NUBPL: variants seen among roughly 807,000 people sequenced by gnomAD.
The protein encoded by NUBPL is NUBP iron-sulfur cluster assembly factor, mitochondrial.
A neutral mutation model predicts 45.7 loss-of-function variants in NUBPL; 31 were observed. That is an observed-to-expected ratio of 0.68 (90% CI 0.51 to 0.92). The LOEUF (loss-of-function observed/expected upper bound fraction) is 0.92. Among genes scored for constraint, NUBPL ranks in the 40% least tolerant of loss-of-function variants. The pLI, the probability that NUBPL is intolerant of heterozygous loss-of-function variation, is 0.00. For synonymous variants in NUBPL, 144 were observed against 140.9 expected, an observed-to-expected ratio of 1.02 and a Z score of -0.15; for missense variants, 401 against 398.7, an observed-to-expected ratio of 1.01 and a Z score of -0.05.
intron 3 of NUBPL, among the ~76,000 whole-genome samples, chr14:31,598,531 G>C (rs960457586): frequency 1.3e-5 from 2 of 152,134 alleles, no homozygotes; most frequent in Admixed American, 6.5e-5. Flanking sequence ...AGAAAAAAAA[G>C]AGACATATTT....
chr14:31,740,180 G>A (rs1163067475), intron 6 of NUBPL, among the ~76,000 whole-genome samples: 1 of 152,162 alleles, frequency 6.6e-6, no homozygotes, highest in Non-Finnish European at 1.5e-5. Flanking sequence ...CAAGAAACAT[G>A]ATTACTGGAT....
At chr14:31,812,367 C>T (rs1368086004) in intron 7 of NUBPL, among the ~76,000 whole-genome samples, 1 of 152,220 alleles carries the variant, frequency 6.6e-6, no homozygotes, top group Non-Finnish European at 1.5e-5. Context: ...CCTCCCCCAG[C>T]CAGGCTTGCC....
intron 6 of NUBPL, among the ~76,000 whole-genome samples, chr14:31,756,211 A>C (rs1222566291): frequency 6.6e-6 from 1 of 152,124 alleles, no homozygotes; most frequent in African/African-American, 2.4e-5. Context: ...CTGAACTTTA[A>C]AGTAGTTTTT....
At chr14:31,708,950 C>T (rs1387175998) in intron 6 of NUBPL, among the ~76,000 whole-genome samples, 1 of 152,156 alleles carries the variant, frequency 6.6e-6, no homozygotes, top group Non-Finnish European at 1.5e-5. Flanking sequence ...CTGATAAGCC[C>T]TACCGGGTGA....
intron 7 of NUBPL, among the ~76,000 whole-genome samples, chr14:31,801,686 A>C (rs932098754): frequency 3.3e-5 from 5 of 152,190 alleles, no homozygotes; most frequent in African/African-American, 1.2e-4. Context: ...GTTCCCCTTC[A>C]CTTTATTAAG....
intron 4 of NUBPL, among the ~76,000 whole-genome samples, chr14:31,659,198 G>T (rs1205822147): frequency 6.6e-6 from 1 of 152,196 alleles, no homozygotes; most frequent in Non-Finnish European, 1.5e-5. Context: ...GTAGTGCTTT[G>T]TGACTATGTG....
At chr14:31,567,848 C>T (rs1391042444) in intron 3 of NUBPL, among the ~76,000 whole-genome samples, 1 of 152,116 alleles carries the variant, frequency 6.6e-6, no homozygotes, top group South Asian at 2.1e-4. Context: ...AATCAGAAAC[C>T]CTGGGGATAG....
intron 7 of NUBPL, among the ~76,000 whole-genome samples, chr14:31,799,074 A>G (rs2039529818): frequency 6.6e-6 from 1 of 152,112 alleles, no homozygotes; most frequent in Non-Finnish European, 1.5e-5. Context: ...TCAATTTTGC[A>G]TTTCTATAAG....
In NUBPL at chr14:31,829,020, A is replaced by G. The variant is rs184893731; in HGVS notation, c.693+2306A>G. 8.4e-4 allele frequency among the ~76,000 whole-genome samples: 128 copies of G among 152,346 alleles called. 1 individual carries two copies. Among genetic ancestry groups the G allele is most frequent in the Middle Eastern group, 3.4e-3 (1 of 294 alleles). On this transcript the variant is annotated intron_variant, in intron 8 of 10. Coordinates refer to ENST00000281081, the MANE Select transcript of NUBPL (RefSeq NM_025152.3). Reference sequence around the variant, plus strand: ...TGGACTGCATAAGGCTCATAGGACTACTTCAGGGATCAGTTAGAAGGTGAA... The same window carrying G: ...TGGACTGCATAAGGCTCATAGGACTGCTTCAGGGATCAGTTAGAAGGTGAA...
At chr14:31,631,694 C>A (rs572588419) in intron 4 of NUBPL, among the ~76,000 whole-genome samples, 1 of 152,148 alleles carries the variant, frequency 6.6e-6, no homozygotes, top group Non-Finnish European at 1.5e-5. Context: ...TCCAAGTCCA[C>A]GTCCAAAGGC....
In NUBPL at chr14:31,765,703, T is replaced by C. The variant is rs180884971; in HGVS notation, c.514-22077T>C. Among the ~76,000 whole-genome samples the C allele has an allele frequency of 3.3e-5, 5 of 152,178 alleles. No individual in the cohort carries two copies. In the East Asian group the frequency reaches 7.7e-4, roughly 23 times the overall value. ...ATCTGCCTGAATAGACTCAAAAATA[T>C]CTAAATTAAATTTTGAAAATGTTTC... On this transcript the variant is annotated intron_variant, in intron 6 of 10. Transcript: ENST00000281081.
At chr14:31,736,981 T>C (rs975732986) in intron 6 of NUBPL, among the ~76,000 whole-genome samples, 10 of 152,166 alleles carry the variant, frequency 6.6e-5, no homozygotes, top group African/African-American at 2.4e-4. Context: ...TGTGAAATGG[T>C]GGTTCATGTT....
chr14:31,726,595 G>T (rs886426677), intron 6 of NUBPL, among the ~76,000 whole-genome samples: 2 of 152,156 alleles, frequency 1.3e-5, no homozygotes, highest in South Asian at 2.1e-4. Context: ...CAGAGATCTT[G>T]TCTGTCTGGG....
intron 3 of NUBPL, chr14:31,577,987 C>T: frequency 1.6e-6 from 2 of 1,288,734 alleles, no homozygotes; most frequent in Admixed American, 2.3e-5. Flanking sequence ...AAATCATCTG[C>T]CACTATTGCC....
intron 6 of NUBPL, among the ~76,000 whole-genome samples, chr14:31,756,194 G>A (rs1200464272): frequency 6.6e-6 from 1 of 152,014 alleles, no homozygotes; most frequent in Non-Finnish European, 1.5e-5. Context: ...CTCTTTTTTG[G>A]TTCCATCTGA....
intron 4 of NUBPL, among the ~76,000 whole-genome samples, chr14:31,666,894 G>C (rs1475298238): frequency 6.6e-6 from 1 of 152,114 alleles, no homozygotes; most frequent in Non-Finnish European, 1.5e-5. Context: ...CTCTCTTCTG[G>C]CTTGTAGGGT....
chr14:31,828,123 A>G lies in NUBPL; in HGVS notation c.693+1409A>G, dbSNP rs189733912. Among the ~76,000 whole-genome samples the G allele has an allele frequency of 1.8e-3, 277 of 152,342 alleles. 1 individual carries two copies. The highest frequency in any genetic ancestry group is 6.3e-3 in the African/African-American group (263 of 41,586). On this transcript the variant is annotated intron_variant, in intron 8 of 10. Coordinates refer to ENST00000281081, the MANE Select transcript of NUBPL (RefSeq NM_025152.3). ...TGTAATCAGCAAGTAGTTTAGGGCCAGTGTTCTATGTCGTGAACTTTAGGT... is the reference window on the plus strand; with the variant it reads ...TGTAATCAGCAAGTAGTTTAGGGCCGGTGTTCTATGTCGTGAACTTTAGGT...
At chr14:31,761,583 T>G (rs1245019602) in intron 6 of NUBPL, among the ~76,000 whole-genome samples, 1 of 152,218 alleles carries the variant, frequency 6.6e-6, no homozygotes, top group African/African-American at 2.4e-5. Flanking sequence ...TACCTCAGTA[T>G]AGGTTTCTCC....
At chr14:31,574,052 G>A (rs2033655722) in intron 3 of NUBPL, among the ~76,000 whole-genome samples, 1 of 152,080 alleles carries the variant, frequency 6.6e-6, no homozygotes, top group South Asian at 2.1e-4. Flanking sequence ...TCCAAGTGTT[G>A]GATAAGGTGC....
Sources: allele counts gnomAD v4.1 joint callset (sites outside exome capture counted in the v4.1 genomes callset), GRCh38; gene constraint gnomAD v4.1.1; transcripts MANE v1.5; gene names NCBI Gene and HGNC (gene_info 2026-07-23, HGNC 2026-07-21).